The following COG3 variants were observed in gnomAD, a reference collection of about 807,000 sequenced individuals.
The protein encoded by COG3 is component of oligomeric golgi complex 3.
A neutral mutation model predicts 114.1 loss-of-function variants in COG3; 32 were observed. The observed-to-expected ratio is 0.28, with a 90% CI of 0.21 to 0.38. The LOEUF is 0.38. COG3 is among the 10% of genes least tolerant of loss of function. The pLI is 1.00. For synonymous variants in COG3, 352 were observed against 365.7 expected, an observed-to-expected ratio of 0.96 and a Z score of 0.43; for missense variants, 813 against 973.2, an observed-to-expected ratio of 0.84 and a Z score of 2.19.
intron 20 of COG3, among the ~76,000 whole-genome samples, chr13:45,527,426 G>A (rs7331276): frequency 0.14 from 21,823 of 152,000 alleles, 2,445 homozygotes; most frequent in African/African-American, 0.31. Flanking sequence ...GCATAGCAGA[G>A]GTGTGGAGTT....
At chr13:45,512,736 T>A (rs1036877257) in intron 16 of COG3, among the ~76,000 whole-genome samples, 4 of 152,020 alleles carry the variant, frequency 2.6e-5, no homozygotes, top group Non-Finnish European at 5.9e-5. Context: ...GAAGCAATTC[T>A]CCTGCTTCAG....
chr13:45,476,136 A>G (rs1430169260), intron 1 of COG3, 65 bp from the exon 2 acceptor site: 3 of 1,507,186 alleles, frequency 2.0e-6, no homozygotes, highest in East Asian at 2.3e-5. Flanking sequence ...TGGAAACCCA[A>G]TCTTGAGTTA....
In COG3 at chr13:45,512,988, A is replaced by ATT. The variant is rs11449840; in HGVS notation, c.1809+1145_1809+1146dup. ...ATGTGCTTCTCCCACAGACCCTGAG[A>ATT]TTTTTTTTTTTTCCCAGGAAGTAGA... On this transcript the variant is annotated intron_variant, in intron 16 of 22. Transcript: ENST00000349995. Among the ~76,000 whole-genome samples, 843 of 146,396 alleles carry ATT rather than the reference A, an allele frequency of 5.8e-3. 7 individuals carry two copies. Among genetic ancestry groups the ATT allele is most frequent in the African/African-American group, 0.018 (737 of 40,006 alleles).
chr13:45,504,395 A>C (rs1348088063), intron 14 of COG3, among the ~76,000 whole-genome samples: 1 of 152,152 alleles, frequency 6.6e-6, no homozygotes, highest in Non-Finnish European at 1.5e-5. Context: ...GTCCTAGTAT[A>C]CCTCTTTATG....
At position 45,482,411 on chromosome 13, in the gene COG3, A is replaced by T; in HGVS notation, c.655A>T (p.Ser219Cys). The T allele has an allele frequency of 6.4e-7, 1 of 1,567,098 alleles. No homozygotes were observed. Among genetic ancestry groups the T allele is most frequent in the East Asian group, 2.3e-5 (1 of 44,226 alleles). The stretch of plus-strand genomic sequence containing the variant: ...GAATTCCCCTACATTGTCGGTGAAT[A>T]GTGACGGATTTATACCTATGCTGGC... ...KLNSPTLSVN[S>C]DGFIPMLAKL... Residue 219 changes from serine (S) to cysteine (C), a missense_variant, in exon 6 of 23, where the codon AGT (serine) becomes TGT (cysteine). By Grantham distance (112) the Ser-to-Cys change is moderately radical (BLOSUM62 -1). Transcript: ENST00000349995.
chr13:45,491,453 A>C lies in COG3; in HGVS notation c.1010A>C (p.Asp337Ala). Reference sequence around the variant, plus strand: ...AATGATATCCACCAGTGTTACCTTGATCAGCGGGAGCTCCTTTTGGGCCCT... The same window carrying C: ...AATGATATCCACCAGTGTTACCTTGCTCAGCGGGAGCTCCTTTTGGGCCCT... ...LLNDIHQCYL[D>A]QRELLLGPSI... The change falls in exon 10 of 23, where the codon GAT (aspartate) becomes GCT (alanine). Residue 337 changes from aspartate to alanine, a missense_variant. Transcript: ENST00000349995. 6.2e-7 allele frequency: 1 copy of C among 1,613,560 alleles called. No homozygotes were observed. The highest frequency in any genetic ancestry group is 8.5e-7 in the Non-Finnish European group (1 of 1,179,716).
At chr13:45,508,913 A>C (rs1870543277) in intron 14 of COG3, among the ~76,000 whole-genome samples, 1 of 152,190 alleles carries the variant, frequency 6.6e-6, no homozygotes, top group African/African-American at 2.4e-5. Context: ...AGAGTGTGGA[A>C]GACAGTCTGA....
Position 45,507,500 on chromosome 13 carries a change from C to T in COG3, c.1595-2192C>T, listed in dbSNP as rs533049139. ...AAAGTACTGGCCAGGCACGGTGGCT[C>T]ACACCTGTAATTCCAGCACTTTGGG... On this transcript the variant is annotated intron_variant, in intron 14 of 22. Transcript: ENST00000349995. 2.3e-4 allele frequency among the ~76,000 whole-genome samples: 35 copies of T among 152,290 alleles called. No homozygotes were observed. In the East Asian group the frequency reaches 6.6e-3, roughly 29 times the overall value.
intron 1 of COG3, among the ~76,000 whole-genome samples, chr13:45,469,427 T>C (rs573670717): frequency 6.6e-6 from 1 of 152,318 alleles, no homozygotes; most frequent in African/African-American, 2.4e-5. Context: ...CCAAAGATGG[T>C]ATCAATGAAC....
intron 14 of COG3, among the ~76,000 whole-genome samples, chr13:45,506,397 G>A (rs1870149278): frequency 1.3e-5 from 2 of 152,102 alleles, no homozygotes; most frequent in Non-Finnish European, 1.5e-5. Context: ...AGGAGGAGGG[G>A]TTGGCAGTGT....
Position 45,480,277 on chromosome 13 carries a change from T to C in COG3, c.536T>C (p.Leu179Pro). 1.9e-6 allele frequency: 3 copies of C among 1,609,624 alleles called. No individual in the cohort carries two copies. The highest frequency in any genetic ancestry group is 3.3e-4 in the Middle Eastern group (2 of 6,034). ...ACCCTACATGAAGCCTGTGAACAGC[T>C]CCTAAAAGAACAGGTAATTTGGAGT... ...TGTLHEACEQ[L>P]LKEQSELVDL... The change falls in exon 4 of 23, where the codon CTC becomes CCC. Residue 179 changes from leucine (L) to proline (P), a missense_variant. Physicochemically the swap from Leu to Pro is moderately conservative, Grantham distance 98. This residue lies in a region of COG3 where 424 missense variants were observed against 430.6 expected (regional missense o/e 0.98). Transcript: ENST00000349995.
At chr13:45,509,890 A>G in intron 15 of COG3, 74 bp downstream of exon 15, 1 of 1,388,144 alleles carries the variant, frequency 7.2e-7, no homozygotes, top group Middle Eastern at 1.9e-4. Context: ...TAAGATCTTG[A>G]TAAAGTATTT....
At chr13:45,507,039 C>T (rs1870231749) in intron 14 of COG3, among the ~76,000 whole-genome samples, 2 of 152,196 alleles carry the variant, frequency 1.3e-5, no homozygotes, top group Non-Finnish European at 2.9e-5. Context: ...GGGGCCTGCT[C>T]TGCTCCTCAG....
At chr13:45,486,194 G>T (rs1055702019) in intron 7 of COG3, among the ~76,000 whole-genome samples, 1 of 144,760 alleles carries the variant, frequency 6.9e-6, no homozygotes, top group Non-Finnish European at 1.5e-5. Flanking sequence ...GCAGGCATTC[G>T]GCAGACTGAG....
At chr13:45,497,150 C>G (rs1204045912) in intron 13 of COG3, among the ~76,000 whole-genome samples, 4 of 152,172 alleles carry the variant, frequency 2.6e-5, no homozygotes, top group South Asian at 2.1e-4. Flanking sequence ...GTGTCATGCT[C>G]TCTCATAAAA....
At chr13:45,495,153 T>A (rs1221890554) in intron 12 of COG3, among the ~76,000 whole-genome samples, 1 of 148,540 alleles carries the variant, frequency 6.7e-6, no homozygotes, top group African/African-American at 2.5e-5. Flanking sequence ...CTCTTTTTTT[T>A]TTTTTTTTTT....
intron 1 of COG3, among the ~76,000 whole-genome samples, chr13:45,475,350 C>A (rs1885793671): frequency 6.6e-6 from 1 of 152,036 alleles, no homozygotes; most frequent in Non-Finnish European, 1.5e-5. Context: ...ATGTGTGCCA[C>A]CACACCCAGC....
Position 45,516,854 on chromosome 13 carries a change from A to G in COG3, c.1930+591A>G, listed in dbSNP as rs534304464. Among the ~76,000 whole-genome samples the G allele has an allele frequency of 2.1e-4, 32 of 152,310 alleles. No homozygotes were observed. The South Asian group carries it at 6.6e-3, about 32-fold the overall frequency. On this transcript the variant is annotated intron_variant, in intron 17 of 22. Coordinates refer to ENST00000349995, the MANE Select transcript of COG3 (RefSeq NM_031431.4). ...TAAGACCGAAAAGGAATGAAAATAT[A>G]TGTTAACATCTTCATAAATTTCAGG...
chr13:45,493,567 C>G (rs1887148326), intron 12 of COG3, 81 bp downstream of exon 12: 1 of 1,265,198 alleles, frequency 7.9e-7, no homozygotes, highest in African/African-American at 1.5e-5. Context: ...TCTTCCCTCA[C>G]CCCACTAAAT....
Sources: gnomAD v4.1 joint callset for allele counts (sites outside exome capture counted in the v4.1 genomes callset) on GRCh38, gnomAD v4.1.1 for gene constraint, gnomAD v4.1.1 regional missense constraint, MANE v1.5 for transcripts, NCBI Gene and HGNC (gene_info 2026-07-23, HGNC 2026-07-21) for gene names.